Variants in PLXNC1 observed in about 807,000 individuals in gnomAD.
The protein encoded by PLXNC1 is plexin C1, also known as plexin-C1.
A neutral mutation model predicts 178.2 loss-of-function variants in PLXNC1; 75 were observed. The observed-to-expected ratio is 0.42, with a 90% CI of 0.35 to 0.51. The LOEUF is 0.51. Among genes scored for constraint, PLXNC1 ranks in the 20% least tolerant of loss-of-function variants. PLXNC1 has a pLI of 0.02. For synonymous variants in PLXNC1, 790 were observed against 779.9 expected (o/e 1.01, Z -0.22); for missense variants, 1,503 against 1,984.4 (o/e 0.76, Z 4.61).
At chr12:94,246,982 C>G (rs1315434194) in intron 12 of PLXNC1, among the ~76,000 whole-genome samples, 1 of 152,100 alleles carries the variant, frequency 6.6e-6, no homozygotes, top group Admixed American at 6.5e-5. Context: ...GTTTGCCATC[C>G]TCCCCTAACC....
At chr12:94,270,541 T>C (rs1965508126) in intron 21 of PLXNC1, among the ~76,000 whole-genome samples, 1 of 152,112 alleles carries the variant, frequency 6.6e-6, no homozygotes, top group Non-Finnish European at 1.5e-5. Context: ...CTTGCCACTA[T>C]TTACAAGTCT....
At chr12:94,257,923 A>T (rs1199966303) in intron 17 of PLXNC1, among the ~76,000 whole-genome samples, 3 of 148,482 alleles carry the variant, frequency 2.0e-5, no homozygotes, top group African/African-American at 7.5e-5. Context: ...AAAATAATAA[A>T]TAAATAAAAA....
intron 23 of PLXNC1, among the ~76,000 whole-genome samples, chr12:94,284,854 G>A (rs967141184): frequency 1.3e-5 from 2 of 152,222 alleles, no homozygotes; most frequent in African/African-American, 4.8e-5. Context: ...GGGAAGCCAT[G>A]GGAGGTCCTG....
At chr12:94,282,117 T>C (rs1966480693) in intron 22 of PLXNC1, 181 bp from the exon 23 acceptor site, 1 of 526,480 alleles carries the variant, frequency 1.9e-6, no homozygotes. Flanking sequence ...ATCAGAGCCC[T>C]AAACAAACAA....
At chr12:94,183,253 T>C (rs775544019) in intron 3 of PLXNC1, among the ~76,000 whole-genome samples, 12 of 152,238 alleles carry the variant, frequency 7.9e-5, no homozygotes, top group Non-Finnish European at 1.8e-4. Flanking sequence ...GGTATTCTTA[T>C]AAAGACGATA....
chr12:94,237,516 T>C (rs910728080), intron 9 of PLXNC1, 148 bp from the exon 10 acceptor site: 6 of 636,112 alleles, frequency 9.4e-6, no homozygotes, highest in Admixed American at 6.0e-5. Context: ...CTTGAATTCA[T>C]TGATTTCATT....
At chr12:94,156,998 G>T (rs957468227) in intron 1 of PLXNC1, among the ~76,000 whole-genome samples, 2 of 152,142 alleles carry the variant, frequency 1.3e-5, no homozygotes, top group Non-Finnish European at 2.9e-5. Flanking sequence ...CAGCACACTT[G>T]CCTCCCACTG....
intron 24 of PLXNC1, among the ~76,000 whole-genome samples, chr12:94,296,138 A>G (rs962320462): frequency 6.6e-5 from 10 of 151,854 alleles, no homozygotes; most frequent in Admixed American, 2.0e-4. Context: ...CCCATTTTCC[A>G]TTAGCATTTC....
chr12:94,245,530 T>A (rs11107476), intron 12 of PLXNC1, among the ~76,000 whole-genome samples: 57,680 of 151,910 alleles, frequency 0.38, 12,176 homozygotes, highest in South Asian at 0.48. Context: ...AAATAAAAAT[T>A]AAAAAAGTTG....
At chr12:94,203,224 T>C (rs1416450998) in intron 4 of PLXNC1, among the ~76,000 whole-genome samples, 2 of 152,162 alleles carry the variant, frequency 1.3e-5, no homozygotes, top group Non-Finnish European at 2.9e-5. Context: ...CAGGTAGTGG[T>C]TCCCAACATG....
intron 23 of PLXNC1, among the ~76,000 whole-genome samples, chr12:94,284,707 T>C (rs1966719158): frequency 6.6e-6 from 1 of 151,970 alleles, no homozygotes. Flanking sequence ...GATAGTTGGC[T>C]GTAGGGTCTG....
intron 15 of PLXNC1, chr12:94,254,540 A>ATG: frequency 3.1e-6 from 2 of 643,526 alleles, no homozygotes; most frequent in Non-Finnish European, 5.7e-6. Context: ...TTGTAAAATG[A>ATG]GTAAGGTTTT....
rs1313393615 is a variant in PLXNC1 at position 94,148,949 on chromosome 12, C to T, written c.-23C>T. 2.8e-6 allele frequency: 3 copies of T among 1,069,552 alleles called. No individual in the cohort carries two copies. The highest frequency in any genetic ancestry group is 3.6e-6 in the Non-Finnish European group (3 of 838,682). 66.3% of individuals were successfully genotyped at this position (1,069,552 alleles called of 1,614,324 possible). On this transcript the variant is annotated 5_prime_UTR_variant, in exon 1 of 31. Transcript: ENST00000258526. The surrounding 1 kb of genome is among the most constrained non-coding windows in gnomAD (Gnocchi z 4.8). ...CCGCCGTCGCCGCCGCGCGCCCTGC[C>T]CGGGGGCGGCCCCCCCAGCCCCATG...
At chr12:94,240,053 T>TG (rs983313778) in intron 10 of PLXNC1, among the ~76,000 whole-genome samples, 16 of 152,132 alleles carry the variant, frequency 1.1e-4, no homozygotes, top group Non-Finnish European at 1.9e-4. Flanking sequence ...CTGGGATTTT[T>TG]GGGGGGGCAT....
chr12:94,247,228 T>G (rs1274988202), intron 12 of PLXNC1, among the ~76,000 whole-genome samples: 1 of 151,586 alleles, frequency 6.6e-6, no homozygotes, highest in African/African-American at 2.4e-5. Context: ...TGTGTTGTTG[T>G]TTTTTTTTAA....
At chr12:94,174,844 T>A (rs1483398944) in intron 2 of PLXNC1, among the ~76,000 whole-genome samples, 5 of 152,208 alleles carry the variant, frequency 3.3e-5, no homozygotes, top group African/African-American at 1.2e-4. Flanking sequence ...ATGTGAAGCC[T>A]GCTTCAAGTT....
intron 9 of PLXNC1, among the ~76,000 whole-genome samples, chr12:94,232,657 T>C (rs180791433): frequency 3.9e-5 from 6 of 152,316 alleles, no homozygotes; most frequent in Middle Eastern, 3.4e-3. Flanking sequence ...GTAGAACTTA[T>C]AATATTTTGG....
At chr12:94,251,917 C>T (rs1440836964) in intron 15 of PLXNC1, among the ~76,000 whole-genome samples, 3 of 151,848 alleles carry the variant, frequency 2.0e-5, no homozygotes, top group South Asian at 2.1e-4. Flanking sequence ...TGCTTGAACC[C>T]GGGAGGCGGA....
At chr12:94,167,127 C>T (rs559267390) in intron 1 of PLXNC1, among the ~76,000 whole-genome samples, 62 of 152,238 alleles carry the variant, frequency 4.1e-4, no homozygotes, top group East Asian at 9.6e-4. Flanking sequence ...TAATTTGGGA[C>T]GGATTTTTCC....
Sources: allele counts gnomAD v4.1 joint callset (sites outside exome capture counted in the v4.1 genomes callset), GRCh38; gene constraint gnomAD v4.1.1; non-coding constraint Gnocchi (gnomAD v3.1); transcripts MANE v1.5; gene names NCBI Gene and HGNC (gene_info 2026-07-23, HGNC 2026-07-21).